The following CCSER1 variants were observed in gnomAD, a reference collection of about 807,000 sequenced individuals.
CCSER1 encodes coiled-coil serine rich protein 1, also known as serine-rich coiled-coil domain-containing protein 1.
A neutral mutation model predicts 82.0 loss-of-function variants in CCSER1; 41 were observed. The observed-to-expected ratio is 0.50, with a 90% CI of 0.39 to 0.65. The LOEUF is 0.65. Among genes scored for constraint, CCSER1 ranks in the 30% least tolerant of loss-of-function variants. The pLI, the probability that CCSER1 is intolerant of heterozygous loss-of-function variation, is 0.00. For missense variants in CCSER1, 1,119 were observed against 1,064.2 expected (o/e 1.05, Z -0.72); for synonymous variants, 414 against 383.9 (o/e 1.08, Z -0.92).
intron 6 of CCSER1, among the ~76,000 whole-genome samples, chr4:90,639,704 G>A (rs992730321): frequency 3.3e-5 from 5 of 152,040 alleles, no homozygotes; most frequent in African/African-American, 9.7e-5. Context: ...CATTTTATGA[G>A]CCTTGGAAGA....
At chr4:90,837,274 C>A (rs1580710742) in intron 8 of CCSER1, among the ~76,000 whole-genome samples, 1 of 151,832 alleles carries the variant, frequency 6.6e-6, no homozygotes, top group Non-Finnish European at 1.5e-5. Flanking sequence ...TAACAAAAAA[C>A]AAAATATATG....
intron 10 of CCSER1, among the ~76,000 whole-genome samples, chr4:91,183,584 C>T (rs1560500361): frequency 6.6e-6 from 1 of 152,184 alleles, no homozygotes. Flanking sequence ...ATTTAACAAT[C>T]CGAGTTCTCC....
At chr4:91,405,679 G>C (rs879350291) in intron 10 of CCSER1, among the ~76,000 whole-genome samples, 1 of 152,194 alleles carries the variant, frequency 6.6e-6, no homozygotes. Context: ...TCCAATCTAA[G>C]CACAGGATAT....
chr4:90,595,806 T>C (rs748432634), intron 5 of CCSER1, among the ~76,000 whole-genome samples: 2 of 151,896 alleles, frequency 1.3e-5, no homozygotes, highest in Non-Finnish European at 2.9e-5. Flanking sequence ...TAAAATAAAA[T>C]AATAAAGAAT....
At chr4:91,407,888 A>G (rs1214809732) in intron 10 of CCSER1, among the ~76,000 whole-genome samples, 1 of 152,146 alleles carries the variant, frequency 6.6e-6, no homozygotes, top group African/African-American at 2.4e-5. Flanking sequence ...TCAAATATTC[A>G]AACTGTAGTC....
chr4:90,702,789 G>T (rs924409787), intron 6 of CCSER1, among the ~76,000 whole-genome samples: 1 of 152,124 alleles, frequency 6.6e-6, no homozygotes, highest in Non-Finnish European at 1.5e-5. Flanking sequence ...TCTGATGGTA[G>T]TTTGTATTTC....
At chr4:91,273,409 T>G (rs1742192575) in intron 10 of CCSER1, among the ~76,000 whole-genome samples, 1 of 152,152 alleles carries the variant, frequency 6.6e-6, no homozygotes, top group Non-Finnish European at 1.5e-5. Context: ...CTCTGCTTGG[T>G]TGCTGTTTGT....
At chr4:90,804,945 G>A (rs1389617727) in intron 7 of CCSER1, among the ~76,000 whole-genome samples, 1 of 152,092 alleles carries the variant, frequency 6.6e-6, no homozygotes, top group Non-Finnish European at 1.5e-5. Flanking sequence ...TACTTGAAAT[G>A]AGCTATTTGA....
chr4:91,318,525 C>A (rs906340654), intron 10 of CCSER1, among the ~76,000 whole-genome samples: 1 of 151,908 alleles, frequency 6.6e-6, no homozygotes, highest in Non-Finnish European at 1.5e-5. Flanking sequence ...TTTTTATAGA[C>A]TCAATTGTCT....
chr4:91,100,632 GT>G (rs1198331497), intron 10 of CCSER1, among the ~76,000 whole-genome samples: 1 of 152,092 alleles, frequency 6.6e-6, no homozygotes, highest in African/African-American at 2.4e-5. Flanking sequence ...ATTTCCACAT[GT>G]TATATTACAG....
chr4:90,746,257 G>C (rs1017709065), intron 7 of CCSER1, among the ~76,000 whole-genome samples: 3 of 151,974 alleles, frequency 2.0e-5, no homozygotes, highest in Non-Finnish European at 2.9e-5. Flanking sequence ...TCCTAGTATA[G>C]AACCAGTACA....
intron 10 of CCSER1, among the ~76,000 whole-genome samples, chr4:91,411,024 G>T (rs1752988171): frequency 6.6e-6 from 1 of 151,800 alleles, no homozygotes; most frequent in Non-Finnish European, 1.5e-5. Context: ...TTAATAATCT[G>T]TTGTTAGATT....
chr4:90,586,843 G>A (rs760563956), intron 5 of CCSER1, among the ~76,000 whole-genome samples: 1 of 152,226 alleles, frequency 6.6e-6, no homozygotes, highest in Non-Finnish European at 1.5e-5. Flanking sequence ...TGATGCTGTA[G>A]TAGGCAGAAT....
chr4:91,077,581 G>A (rs1318955051), intron 9 of CCSER1, among the ~76,000 whole-genome samples: 1 of 152,184 alleles, frequency 6.6e-6, no homozygotes, highest in Non-Finnish European at 1.5e-5. Flanking sequence ...TTCCAACTGA[G>A]GTACCAGGTT....
At chr4:90,254,978 A>AAC (rs142987718) in intron 1 of CCSER1, among the ~76,000 whole-genome samples, 11,632 of 142,872 alleles carry the variant, frequency 0.081, 662 homozygotes, top group East Asian at 0.28. Flanking sequence ...CATATATATC[A>AAC]ACACACACAC....
intron 10 of CCSER1, among the ~76,000 whole-genome samples, chr4:91,159,978 A>G (rs913667022): frequency 6.6e-6 from 1 of 151,890 alleles, no homozygotes; most frequent in Non-Finnish European, 1.5e-5. Flanking sequence ...TACATGTGCC[A>G]TGTTGGTTTG....
At chr4:91,468,963 C>A (rs1757111993) in intron 10 of CCSER1, among the ~76,000 whole-genome samples, 1 of 152,062 alleles carries the variant, frequency 6.6e-6, no homozygotes, top group African/African-American at 2.4e-5. Flanking sequence ...AACTAATTAT[C>A]CAATTTCAGA....
At chr4:90,172,821 A>G (rs1215132953) in intron 1 of CCSER1, among the ~76,000 whole-genome samples, 1 of 151,868 alleles carries the variant, frequency 6.6e-6, no homozygotes, top group African/African-American at 2.4e-5. Context: ...GATTGAAACA[A>G]TATGTGTGCC....
At chr4:90,349,180 C>T (rs1202939380) in intron 3 of CCSER1, among the ~76,000 whole-genome samples, 1 of 151,994 alleles carries the variant, frequency 6.6e-6, no homozygotes, top group Non-Finnish European at 1.5e-5. Context: ...TATTGACTTT[C>T]TAGTTTTAGG....
Sources: allele counts gnomAD v4.1 joint callset (sites outside exome capture counted in the v4.1 genomes callset), GRCh38; gene constraint gnomAD v4.1.1; transcripts MANE v1.5; gene names NCBI Gene and HGNC (gene_info 2026-07-23, HGNC 2026-07-21).